Variants in UVSSA observed in about 807,000 individuals in gnomAD.
UVSSA encodes UV-stimulated scaffold protein A.
In UVSSA, 72 loss-of-function variants were observed where a neutral mutation model predicts 73.9. The observed-to-expected ratio is 0.97, with a 90% confidence interval of 0.81 to 1.19. The LOEUF is 1.19. Among genes scored for constraint, UVSSA ranks in the 50% most tolerant of loss-of-function variants. UVSSA has a pLI of 0.00. For synonymous variants in UVSSA, 454 were observed against 391.3 expected, an observed-to-expected ratio of 1.16 and a Z score of -1.89; for missense variants, 1,150 against 965.0, an observed-to-expected ratio of 1.19 and a Z score of -2.54.
At chr4:1,369,265 G>T (rs1717728206) in intron 8 of UVSSA, among the ~76,000 whole-genome samples, 1 of 152,232 alleles carries the variant, frequency 6.6e-6, no homozygotes. Flanking sequence ...AGGGCTGGAG[G>T]GCCCAAAGGA....
chr4:1,348,246 A>G (rs773103025), intron 2 of UVSSA, 57 bp downstream of exon 2: 22 of 1,394,342 alleles, frequency 1.6e-5, no homozygotes, highest in Non-Finnish European at 2.1e-5. Context: ...CAGGACACAC[A>G]CAGGGCCCTG....
At position 1,380,050 on chromosome 4, in the gene UVSSA, T is replaced by A. The variant is rs1350061534; in HGVS notation, c.1572T>A (p.Ser524=). Residue 524 remains serine (S), a synonymous_variant, in exon 11 of 14, where the codon TCT becomes TCA. Coordinates refer to ENST00000389851, the MANE Select transcript of UVSSA (RefSeq NM_020894.4). ...ELPTAGKIVK[S]DSQHRFWKPS... ...GGGCCTCTGGCTGTGTCTGCAGGTC[T>A]GACTCCCAGCACCGCTTCTGGAAGC... 1.9e-6 allele frequency: 3 copies of A among 1,603,520 alleles called. No homozygotes were observed. Among genetic ancestry groups the A allele is most frequent in the Non-Finnish European group, 2.6e-6 (3 of 1,175,160 alleles).
At chr4:1,373,940 C>T (rs1010641383) in intron 8 of UVSSA, among the ~76,000 whole-genome samples, 3 of 152,204 alleles carry the variant, frequency 2.0e-5, no homozygotes, top group Non-Finnish European at 4.4e-5. Context: ...CCTGGCCTCT[C>T]GCTGTGTCTC....
chr4:1,379,201 C>T (rs1719137524), intron 10 of UVSSA, among the ~76,000 whole-genome samples: 1 of 152,220 alleles, frequency 6.6e-6, no homozygotes, highest in Non-Finnish European at 1.5e-5. Context: ...CACTGGGAGC[C>T]CTTGGCACTG....
chr4:1,375,213 C>A, intron 8 of UVSSA, 151 bp from the exon 9 acceptor site: 1 of 1,300,202 alleles, frequency 7.7e-7, no homozygotes, highest in Admixed American at 2.0e-5. Context: ...CTCACCCTCG[C>A]CCGTGAGGAG....
Position 1,385,935 on chromosome 4 carries a change from A to C in UVSSA, c.2104A>C (p.Asn702His), listed in dbSNP as rs1490623923. Residue 702 changes from asparagine (N) to histidine (H), a missense_variant, in exon 14 of 14, where the codon AAC becomes CAC. Transcript: ENST00000389851. ...MDQKKHEKFS[N>H]QFNYALN ...CCAGAAGAAGCACGAGAAGTTTTCA[A>C]ACCAGTTTAACTACGCACTGAACTA... 1 of 1,614,068 alleles carries C rather than the reference A, an allele frequency of 6.2e-7. No homozygotes were observed. The highest frequency in any genetic ancestry group is 1.7e-5 in the Admixed American group (1 of 60,032).
intron 11 of UVSSA, 39 bp from the exon 12 acceptor site, chr4:1,380,841 C>T (rs746718055): frequency 1.2e-6 from 2 of 1,600,458 alleles, no homozygotes; most frequent in South Asian, 1.1e-5. Context: ...GGCAAGCGGA[C>T]CCCTCCCCGC....
At chr4:1,382,771 A>G (rs1310327033) in intron 12 of UVSSA, among the ~76,000 whole-genome samples, 1 of 152,142 alleles carries the variant, frequency 6.6e-6, no homozygotes, top group Non-Finnish European at 1.5e-5. Context: ...CATCCGTCCG[A>G]GATGTGGGCA....
chr4:1,390,997 T>C (rs192342370), downstream of UVSSA: 2 of 152,610 alleles, frequency 1.3e-5, no homozygotes, highest in East Asian at 1.9e-4. Flanking sequence ...TTGGGTCTCA[T>C]TGGTTTGTAG....
At chr4:1,371,807 G>T in intron 8 of UVSSA, among the ~76,000 whole-genome samples, 1 of 152,204 alleles carries the variant, frequency 6.6e-6, no homozygotes, top group Non-Finnish European at 1.5e-5. Flanking sequence ...TGAGATTTGA[G>T]TGGGGACACA....
At chr4:1,394,192 A>C in exon 14 of UVSSA, 2 of 489,894 alleles carry the variant, frequency 4.1e-6, no homozygotes, top group Non-Finnish European at 7.3e-6. Context: ...CTGTGTGGGC[A>C]CAGCCTTCCA....
rs745956210 is a variant in UVSSA at position 1,385,967 on chromosome 4, G to A, written c.*6G>A. ...TTAACTACGCACTGAACTAGAGAGC[G>A]GGGCCCAGTGCACTGGCCATCAGCA... is the stretch of plus-strand genomic sequence containing the variant. On this transcript the variant is annotated 3_prime_UTR_variant, in exon 14 of 14. Transcript: ENST00000389851. 3.5e-5 allele frequency: 57 copies of A among 1,613,840 alleles called. No individual in the cohort carries two copies. The highest frequency in any genetic ancestry group is 4.8e-5 in the Non-Finnish European group (57 of 1,179,968).
chr4:1,380,788 C>T (rs757584838), intron 11 of UVSSA, 92 bp from the exon 12 acceptor site: 227 of 1,587,820 alleles, frequency 1.4e-4, no homozygotes, highest in Non-Finnish European at 1.8e-4. Flanking sequence ...CCACCCTGGT[C>T]GCTGTTTGTG....
chr4:1,386,261 G>T lies in UVSSA; in HGVS notation c.*300G>T. Reference sequence around the variant, plus strand: ...CCTCGTGAGACCAGTGCTTGTCGTGGTGTGGGGTTCAGCACGGACGGAATG... The same window carrying T: ...CCTCGTGAGACCAGTGCTTGTCGTGTTGTGGGGTTCAGCACGGACGGAATG... On this transcript the variant is annotated 3_prime_UTR_variant, in exon 14 of 14. Transcript: ENST00000389851. 2.7e-6 allele frequency: 1 copy of T among 364,842 alleles called. No individual in the cohort carries two copies. Among genetic ancestry groups the T allele is most frequent in the Non-Finnish European group, 5.2e-6 (1 of 192,274 alleles). 22.6% of individuals were successfully genotyped at this position (364,842 alleles called of 1,614,324 possible).
In UVSSA at chr4:1,349,520, C is replaced by A; in HGVS notation, c.99-4C>A. On this transcript the variant is annotated splice_region_variant and splice_polypyrimidine_tract_variant and intron_variant, in intron 2 of 13. Transcript: ENST00000389851. The stretch of plus-strand genomic sequence containing the variant: ...AGTTGGGTCAGGCCAGCTCGCATCC[C>A]CAGGTCTTCAGAGGAGCAGCTGAGC... 1 of 1,611,008 alleles carries A rather than the reference C, an allele frequency of 6.2e-7. No individual in the cohort carries two copies.
intron 7 of UVSSA, among the ~76,000 whole-genome samples, chr4:1,359,823 C>G (rs1716362975): frequency 6.6e-6 from 1 of 151,384 alleles, no homozygotes; most frequent in South Asian, 2.1e-4. Flanking sequence ...GCATTCTGCC[C>G]TCTGATGTTC....
At chr4:1,390,553 G>C (rs1720388728), downstream of UVSSA, 1 of 152,148 alleles carries the variant, frequency 6.6e-6, no homozygotes, top group Non-Finnish European at 1.5e-5. Flanking sequence ...CAAAGTGCTG[G>C]GATTACAAGC....
intron 8 of UVSSA, among the ~76,000 whole-genome samples, chr4:1,369,678 C>A (rs189316053): frequency 2.0e-5 from 3 of 152,340 alleles, no homozygotes; most frequent in Admixed American, 6.5e-5. Context: ...ATAATGTCAG[C>A]GCTGGGCAGG....
At chr4:1,384,203 C>T (rs865784796) in intron 13 of UVSSA, 20 of 493,464 alleles carry the variant, frequency 4.1e-5, no homozygotes, top group Middle Eastern at 1.1e-3. Flanking sequence ...CCGCCATCCT[C>T]GCTTCCTGGG....
Sources: allele counts gnomAD v4.1 joint callset (sites outside exome capture counted in the v4.1 genomes callset), GRCh38; gene constraint gnomAD v4.1.1; transcripts MANE v1.5; gene names NCBI Gene and HGNC (gene_info 2026-07-23, HGNC 2026-07-21).